Variants in STK31 observed in about 807,000 individuals in gnomAD.
STK31 encodes serine/threonine kinase 31, also known as serine/threonine-protein kinase 31.
Under a neutral mutation model 129.7 loss-of-function variants are expected in STK31, and 89 were observed. That is an observed-to-expected ratio of 0.69 (90% CI 0.58 to 0.82). STK31 has a LOEUF of 0.82. Ranked by LOEUF, STK31 falls within the 40% of genes least tolerant of loss-of-function variation. The probability of loss-of-function intolerance (pLI) is 0.00; values close to 1 mark genes in which losing one functional copy is unlikely to be tolerated. For missense variants in STK31, 1,187 were observed against 1,176.4 expected, an observed-to-expected ratio of 1.01 and a Z score of -0.13; for synonymous variants, 448 against 395.3, an observed-to-expected ratio of 1.13 and a Z score of -1.58.
chr7:23,797,373 C>G lies in STK31; in HGVS notation c.2760+6427C>G, dbSNP rs189856421. ...TGACCACATTATTGGAAGTAAAACA[C>G]TCCTCAGCAAATGCAAAAGAATGGA... On this transcript the variant is annotated intron_variant, in intron 22 of 23. Coordinates refer to ENST00000355870, the MANE Select transcript of STK31 (RefSeq NM_031414.5). 3.1e-3 allele frequency among the ~76,000 whole-genome samples: 469 copies of G among 152,040 alleles called. 5 individuals are homozygous for G. Among genetic ancestry groups the G allele is most frequent in the Non-Finnish European group, 4.0e-3 (273 of 68,026 alleles).
chr7:23,816,182 A>G (rs1271484373), intron 23 of STK31, among the ~76,000 whole-genome samples: 7 of 152,156 alleles, frequency 4.6e-5, no homozygotes, highest in African/African-American at 1.7e-4. Context: ...ACTTTGTGTT[A>G]CACTTCCTGA....
At chr7:23,814,118 G>C (rs1192549668) in intron 22 of STK31, among the ~76,000 whole-genome samples, 8 of 135,884 alleles carry the variant, frequency 5.9e-5, no homozygotes, top group Non-Finnish European at 9.3e-5. Flanking sequence ...TGCAGGCTTA[G>C]GAGTTGGGAA....
chr7:23,735,226 A>G (rs1209422904), intron 6 of STK31, among the ~76,000 whole-genome samples: 1 of 152,134 alleles, frequency 6.6e-6, no homozygotes, highest in Non-Finnish European at 1.5e-5. Flanking sequence ...CATTATATTT[A>G]GTTGGGGCCA....
At chr7:23,744,601 G>A (rs186440678) in intron 8 of STK31, among the ~76,000 whole-genome samples, 9 of 152,268 alleles carry the variant, frequency 5.9e-5, no homozygotes, top group South Asian at 4.1e-4. Flanking sequence ...TTTTGTAGGG[G>A]AGGATCTTTT....
chr7:23,762,019 A>G (rs1584402086), intron 10 of STK31, among the ~76,000 whole-genome samples: 1 of 151,528 alleles, frequency 6.6e-6, no homozygotes, highest in Non-Finnish European at 1.5e-5. Context: ...AAAATATCCT[A>G]AAATTCAGGC....
intron 22 of STK31, among the ~76,000 whole-genome samples, chr7:23,807,382 T>TA (rs1792776098): frequency 6.6e-6 from 1 of 152,206 alleles, no homozygotes; most frequent in African/African-American, 2.4e-5. Flanking sequence ...CTACTTTCTT[T>TA]AGGTGTCCAT....
chr7:23,781,754 A>G (rs914081288), intron 16 of STK31, among the ~76,000 whole-genome samples: 16 of 152,258 alleles, frequency 1.1e-4, no homozygotes, highest in African/African-American at 3.9e-4. Flanking sequence ...AAGGAAAAAC[A>G]TCACTTGTAA....
chr7:23,782,730 T>C (rs1234403345), intron 16 of STK31, among the ~76,000 whole-genome samples: 2 of 152,198 alleles, frequency 1.3e-5, no homozygotes. Flanking sequence ...TATGTAGAGC[T>C]ATGTGTTTTT....
intron 22 of STK31, among the ~76,000 whole-genome samples, chr7:23,807,444 T>G (rs1792778753): frequency 6.6e-6 from 1 of 152,188 alleles, no homozygotes; most frequent in Non-Finnish European, 1.5e-5. Context: ...TTATAGGTAA[T>G]ATTACATTTC....
chr7:23,726,427 T>TGC (rs1554283806), intron 4 of STK31: 1 of 11,014 alleles, frequency 9.1e-5, no homozygotes, highest in East Asian at 2.4e-3. Context: ...ACCTTGCCTC[T>TGC]ACAAAAAAAA....
intron 22 of STK31, among the ~76,000 whole-genome samples, chr7:23,791,565 A>G (rs1413260992): frequency 6.6e-6 from 1 of 152,190 alleles, no homozygotes; most frequent in African/African-American, 2.4e-5. Context: ...AACTCCCATG[A>G]CACACTGTTT....
At chr7:23,807,368 T>G (rs1239886477) in intron 22 of STK31, among the ~76,000 whole-genome samples, 1 of 152,188 alleles carries the variant, frequency 6.6e-6, no homozygotes, top group Non-Finnish European at 1.5e-5. Context: ...TGGAAAAGAT[T>G]GTGCTACTTT....
In STK31 at chr7:23,786,830, C is replaced by T. The variant is rs2128111500; in HGVS notation, c.2401-8C>T. The T allele has an allele frequency of 6.2e-7, 1 of 1,608,524 alleles. No homozygotes were observed. Among genetic ancestry groups the T allele is most frequent in the African/African-American group, 1.3e-5 (1 of 74,726 alleles). On this transcript the variant is annotated splice_region_variant and splice_polypyrimidine_tract_variant and intron_variant, in intron 19 of 23. Coordinates refer to ENST00000355870, the MANE Select transcript of STK31 (RefSeq NM_031414.5). ...ACTTGGAGTCACATTCTCTGTTTTG[C>T]TTCTTAGTCTGATCCTATGGCTTAT...
chr7:23,819,701 CAG>C (rs1562631254), intron 23 of STK31, among the ~76,000 whole-genome samples: 4 of 151,872 alleles, frequency 2.6e-5, no homozygotes, highest in African/African-American at 9.7e-5. Context: ...AGCAGTTAAA[CAG>C]ATTATTTTTA....
intron 23 of STK31, among the ~76,000 whole-genome samples, chr7:23,828,985 C>T (rs987090698): frequency 3.3e-5 from 5 of 151,942 alleles, no homozygotes; most frequent in African/African-American, 4.8e-5. Context: ...CTGCAACCTC[C>T]ACCTCCTGGG....
rs140525630 is a variant in STK31, at chr7:23,756,804, G to A, written c.1293+2330G>A. Reference sequence around the variant, plus strand: ...TGATGGATTACGTTTATTGATTTGCGTATGTTGAACCAGCCTTGCGTCCCA... The same window carrying A: ...TGATGGATTACGTTTATTGATTTGCATATGTTGAACCAGCCTTGCGTCCCA... On this transcript the variant is annotated intron_variant, in intron 10 of 23. Coordinates refer to ENST00000355870, the MANE Select transcript of STK31 (RefSeq NM_031414.5). 4.0e-3 allele frequency among the ~76,000 whole-genome samples: 613 copies of A among 152,248 alleles called. 6 individuals carry two copies. Among genetic ancestry groups the A allele is most frequent in the African/African-American group, 0.013 (551 of 41,552 alleles).
intron 6 of STK31, among the ~76,000 whole-genome samples, chr7:23,729,547 G>A (rs189692721): frequency 0.015 from 1,654 of 112,258 alleles, 30 homozygotes; most frequent in Admixed American, 0.012. Context: ...GTCTGACTCT[G>A]TTGCCCAGGC....
intron 15 of STK31, among the ~76,000 whole-genome samples, chr7:23,775,036 C>T (rs909074368): frequency 6.6e-6 from 1 of 152,126 alleles, no homozygotes; most frequent in Non-Finnish European, 1.5e-5. Context: ...AGTAGGGAAT[C>T]CTTTCCCCAT....
At chr7:23,815,273 T>A in intron 23 of STK31, 61 bp downstream of exon 23, 1 of 1,169,266 alleles carries the variant, frequency 8.6e-7, no homozygotes, top group Non-Finnish European at 1.2e-6. Flanking sequence ...AACTTAGATA[T>A]CTGACTGAAA....
Sources: gnomAD v4.1 joint callset for allele counts (sites outside exome capture counted in the v4.1 genomes callset) on GRCh38, gnomAD v4.1.1 for gene constraint, MANE v1.5 for transcripts, NCBI Gene and HGNC (gene_info 2026-07-23, HGNC 2026-07-21) for gene names.